Variants in C6orf89 observed in about 807,000 individuals in gnomAD.
C6orf89 encodes bombesin receptor-activated protein C6orf89.
A neutral mutation model predicts 40.7 loss-of-function variants in C6orf89; 29 were observed. That is an observed-to-expected ratio of 0.71 (90% CI 0.53 to 0.97). The LOEUF (loss-of-function observed/expected upper bound fraction) is 0.97, where lower values mean the gene tolerates loss of function less well. Among genes scored for constraint, C6orf89 ranks in the 50% least tolerant of loss-of-function variants. The pLI is 0.00. For synonymous variants in C6orf89, 165 were observed against 152.2 expected, an observed-to-expected ratio of 1.08 and a Z score of -0.62; for missense variants, 392 against 429.1, an observed-to-expected ratio of 0.91 and a Z score of 0.76.
Position 36,923,850 on chromosome 6 carries a change from G to T in C6orf89, c.*409G>T. 3.5e-6 allele frequency: 1 copy of T among 282,788 alleles called. No homozygotes were observed. Among genetic ancestry groups the T allele is most frequent in the Non-Finnish European group, 7.0e-6 (1 of 143,618 alleles). The allele number at this position is 282,788 out of a possible 1,614,324, so 17.5% of individuals were successfully genotyped here. A position where few individuals can be genotyped will look rare whatever the true frequency, so the allele number is the denominator to read the frequency against. ...CTAATGTCAGAGCCATCCTTTACCA[G>T]GTGGGCCTGCTTGTCCCTGTCTTGC... On this transcript the variant is annotated 3_prime_UTR_variant, in exon 9 of 9. Coordinates refer to ENST00000480824, the MANE Select transcript of C6orf89 (RefSeq NM_001286635.2).
At chr6:36,879,470 C>A (rs1276982445) in intron 2 of C6orf89, among the ~76,000 whole-genome samples, 1 of 152,100 alleles carries the variant, frequency 6.6e-6, no homozygotes, top group Non-Finnish European at 1.5e-5. Flanking sequence ...GGCTGGCATG[C>A]CAGCAAAAGA....
intron 4 of C6orf89, among the ~76,000 whole-genome samples, chr6:36,912,840 G>A (rs774633368): frequency 1.6e-4 from 24 of 152,310 alleles, no homozygotes; most frequent in Middle Eastern, 6.8e-3. Context: ...CACTACTACT[G>A]CCTCAGAGAA....
At chr6:36,884,118 C>T (rs974973967), upstream of C6orf89, among the ~76,000 whole-genome samples, 9 of 152,144 alleles carry the variant, frequency 5.9e-5, no homozygotes, top group African/African-American at 2.2e-4. This position sits in a 1 kb window ranked among gnomAD's most constrained non-coding sequence, Gnocchi z 4.0. Flanking sequence ...GAAAATTAGC[C>T]TGGCGTGGTG....
chr6:36,907,486 C>A (rs1418967196), intron 4 of C6orf89, among the ~76,000 whole-genome samples: 1 of 152,110 alleles, frequency 6.6e-6, no homozygotes, highest in Non-Finnish European at 1.5e-5. Flanking sequence ...GCCCAGTGCC[C>A]AACTTGTAAA....
At chr6:36,901,149 T>C (rs1341499746) in intron 3 of C6orf89, among the ~76,000 whole-genome samples, 1 of 151,382 alleles carries the variant, frequency 6.6e-6, no homozygotes, top group African/African-American at 2.4e-5. Flanking sequence ...CCTGGCCTAA[T>C]ACTTGTATTT....
At chr6:36,921,827 A>G (rs757867363) in intron 8 of C6orf89, among the ~76,000 whole-genome samples, 3 of 152,156 alleles carry the variant, frequency 2.0e-5, no homozygotes, top group African/African-American at 7.2e-5. Flanking sequence ...CAGGAGTTCA[A>G]GACCAGTCTG....
chr6:36,878,809 A>C (rs181569086), intron 1 of C6orf89, among the ~76,000 whole-genome samples: 8 of 152,326 alleles, frequency 5.3e-5, no homozygotes, highest in African/African-American at 1.7e-4. Context: ...AGCTTTAACC[A>C]ATCTCGCTGT....
At chr6:36,921,056 A>G (rs1002489048) in intron 8 of C6orf89, among the ~76,000 whole-genome samples, 1 of 152,168 alleles carries the variant, frequency 6.6e-6, no homozygotes, top group African/African-American at 2.4e-5. Flanking sequence ...TTAGCCTAAC[A>G]TCCGGTGCAT....
At chr6:36,890,716 T>A (rs1761172890) in intron 1 of C6orf89, among the ~76,000 whole-genome samples, 1 of 152,026 alleles carries the variant, frequency 6.6e-6, no homozygotes, top group Non-Finnish European at 1.5e-5. Context: ...GTATTTTTAG[T>A]AGAGACAGGG....
rs1334284943 is a variant in C6orf89, at chr6:36,927,897, G to A, written c.*4456G>A. ...CTTCCAGAAGCATGTCAGGGAGACG[G>A]ACAGGTGCTCTCCTTCTCGTGCACC... On this transcript the variant is annotated 3_prime_UTR_variant, in exon 9 of 9. Transcript: ENST00000480824. 1 of 152,252 alleles carries A rather than the reference G, an allele frequency of 6.6e-6. No homozygotes were observed. The highest frequency in any genetic ancestry group is 2.4e-5 in the African/African-American group (1 of 41,428). The allele number at this position is 152,252 out of a possible 1,614,324, so 9.4% of individuals were successfully genotyped here.
intron 7 of C6orf89, among the ~76,000 whole-genome samples, chr6:36,918,935 A>T (rs971274661): frequency 6.6e-6 from 1 of 152,212 alleles, no homozygotes; most frequent in Non-Finnish European, 1.5e-5. Flanking sequence ...TTTCAAAATC[A>T]GAGGCCAGTC....
At position 36,924,258 on chromosome 6, in the gene C6orf89, G is replaced by A. The variant is rs1319203571; in HGVS notation, c.*817G>A. The A allele has an allele frequency of 6.5e-6, 1 of 152,846 alleles. No homozygotes were observed. The highest frequency in any genetic ancestry group is 1.9e-4 in the East Asian group (1 of 5,198). 9.5% of individuals were successfully genotyped at this position (152,846 alleles called of 1,614,324 possible). A position where few individuals can be genotyped will look rare whatever the true frequency, so the allele number is the denominator to read the frequency against. ...AGGCAGCACTGCTCTCGTCAGCTGT[G>A]TTGCCTTTACCAAGTGTCTTCAGAG... On this transcript the variant is annotated 3_prime_UTR_variant, in exon 9 of 9. Transcript: ENST00000480824.
intron 1 of C6orf89, chr6:36,874,872 T>G: frequency 7.4e-7 from 1 of 1,351,656 alleles, no homozygotes; most frequent in Admixed American, 2.0e-5. Context: ...CGTTCAACCC[T>G]TTCGATACCA....
At chr6:36,899,735 T>TTTTCCGTGAATAAATTGGCC in intron 3 of C6orf89, 102 bp downstream of exon 3, 1 of 1,167,032 alleles carries the variant, frequency 8.6e-7, no homozygotes, top group Non-Finnish European at 1.2e-6. Flanking sequence ...GAGCATTGGT[T>TTTTCCGTGAATAAATTGGCC]TTTCCGTGAA....
intron 1 of C6orf89, among the ~76,000 whole-genome samples, chr6:36,894,023 C>CAA (rs779616350): frequency 1.5e-4 from 9 of 60,548 alleles, no homozygotes; most frequent in East Asian, 5.6e-4. Context: ...GACTCTGTCT[C>CAA]AAAAAAAAAA....
chr6:36,902,443 C>T lies in C6orf89; in HGVS notation c.403+9C>T. On this transcript the variant is annotated intron_variant, in intron 4 of 8. Coordinates refer to ENST00000480824, the MANE Select transcript of C6orf89 (RefSeq NM_001286635.2). The stretch of plus-strand genomic sequence containing the variant: ...AGACAGACCCTTTCCAGGTAAAATG[C>T]AACATTTATTACTTATTAGATATAG... The T allele has an allele frequency of 1.9e-6, 3 of 1,610,056 alleles. No individual in the cohort carries two copies. Among genetic ancestry groups the T allele is most frequent in the Non-Finnish European group, 2.6e-6 (3 of 1,176,424 alleles).
At chr6:36,875,176 A>G (rs998491652) in intron 1 of C6orf89, among the ~76,000 whole-genome samples, 1 of 152,218 alleles carries the variant, frequency 6.6e-6, no homozygotes, top group East Asian at 1.9e-4. Context: ...GAGGCAGAGA[A>G]TGAAAGAGGG....
intron 2 of C6orf89, among the ~76,000 whole-genome samples, chr6:36,879,551 A>G (rs765517214): frequency 4.1e-4 from 62 of 152,158 alleles, no homozygotes; most frequent in Non-Finnish European, 7.4e-4. Flanking sequence ...AATGGTAAAA[A>G]TCACTGTTTA....
upstream of C6orf89, among the ~76,000 whole-genome samples, chr6:36,883,886 G>A (rs1774891141): frequency 1.3e-5 from 2 of 152,202 alleles, no homozygotes; most frequent in African/African-American, 2.4e-5. Flanking sequence ...ATTATACTAA[G>A]TAATAGAATT....
Sources: allele counts gnomAD v4.1 joint callset (sites outside exome capture counted in the v4.1 genomes callset), GRCh38; gene constraint gnomAD v4.1.1; non-coding constraint Gnocchi (gnomAD v3.1); transcripts MANE v1.5; gene names NCBI Gene and HGNC (gene_info 2026-07-23, HGNC 2026-07-21).